LARP4: variants seen among roughly 807,000 people sequenced by gnomAD.
LARP4 encodes La ribonucleoprotein 4.
In LARP4, 29 loss-of-function variants were observed where a neutral mutation model predicts 92.9. The ratio of observed to expected loss-of-function variants is 0.31; its 90% CI spans 0.23 to 0.43. LARP4 has a LOEUF of 0.43. Ranked by LOEUF, LARP4 falls within the 20% of genes least tolerant of loss-of-function variation. The pLI is 1.00. For synonymous variants in LARP4, 279 were observed against 284.1 expected, an observed-to-expected ratio of 0.98 and a Z score of 0.18; for missense variants, 732 against 860.0, an observed-to-expected ratio of 0.85 and a Z score of 1.86.
intron 10 of LARP4, among the ~76,000 whole-genome samples, chr12:50,458,798 T>C (rs936877476): frequency 3.3e-5 from 5 of 152,192 alleles, no homozygotes; most frequent in African/African-American, 7.2e-5. Context: ...TTTTAGGAAG[T>C]TGGGTGCTTA....
chr12:50,428,814 G>A (rs1949205338), intron 2 of LARP4, 121 bp from the exon 3 acceptor site: 6 of 675,266 alleles, frequency 8.9e-6, no homozygotes, highest in East Asian at 5.8e-5. Flanking sequence ...AAAACCATGC[G>A]GACATATTTC....
chr12:50,446,187 T>C (rs1359091866), intron 8 of LARP4, among the ~76,000 whole-genome samples: 9 of 149,502 alleles, frequency 6.0e-5, no homozygotes, highest in African/African-American at 2.2e-4. Flanking sequence ...TTGTATTTTT[T>C]AGTAGAGACG....
intron 13 of LARP4, among the ~76,000 whole-genome samples, chr12:50,473,099 T>G (rs1173378739): frequency 1.3e-5 from 2 of 152,178 alleles, no homozygotes; most frequent in Non-Finnish European, 2.9e-5. Context: ...GGATTACAGG[T>G]GTGAGCCACT....
rs1395914563 is a variant in LARP4 at position 50,435,521 on chromosome 12, T to G, written c.432T>G (p.Ser144=). 1 of 1,575,784 alleles carries G rather than the reference T, an allele frequency of 6.3e-7. No individual in the cohort carries two copies. Among genetic ancestry groups the G allele is most frequent in the Non-Finnish European group, 8.7e-7 (1 of 1,148,830 alleles). Residue 144 remains serine (S), a synonymous_variant, in exon 5 of 16, where the codon TCT becomes TCG. Transcript: ENST00000398473. The stretch of plus-strand genomic sequence containing the variant: ...TGTCAAAGGATCTTTACTTGATATC[T>G]CAAATGGATAGTGATCAGTTCATCC... ...ENLSKDLYLI[S]QMDSDQFIPI...
chr12:50,452,771 T>G (rs910177034), intron 8 of LARP4, among the ~76,000 whole-genome samples: 2 of 152,222 alleles, frequency 1.3e-5, no homozygotes, highest in Admixed American at 1.3e-4. Flanking sequence ...CTTTTTTTGT[T>G]CTGTGAACGC....
intron 8 of LARP4, among the ~76,000 whole-genome samples, chr12:50,443,605 T>C (rs996801767): frequency 6.6e-6 from 1 of 151,930 alleles, no homozygotes; most frequent in African/African-American, 2.4e-5. Context: ...AATTTAATTT[T>C]ATTTTCTTAA....
chr12:50,463,230 A>C (rs1431242387), intron 12 of LARP4, among the ~76,000 whole-genome samples: 1 of 150,922 alleles, frequency 6.6e-6, no homozygotes, highest in African/African-American at 2.4e-5. Flanking sequence ...ACTTGAGGCT[A>C]CAGGCCCCAT....
At chr12:50,459,913 C>T (rs995644053) in intron 10 of LARP4, among the ~76,000 whole-genome samples, 3 of 149,748 alleles carry the variant, frequency 2.0e-5, no homozygotes, top group African/African-American at 5.0e-5. Flanking sequence ...CCAAGGTGGG[C>T]GGTTCACGAG....
chr12:50,443,344 C>T (rs916837587), intron 8 of LARP4, among the ~76,000 whole-genome samples: 4 of 152,122 alleles, frequency 2.6e-5, no homozygotes, highest in Non-Finnish European at 2.9e-5. Context: ...GATCACGGCT[C>T]ACTGCTGCCT....
intron 11 of LARP4, 112 bp from the exon 12 acceptor site, chr12:50,462,470 C>A: frequency 3.4e-6 from 2 of 595,380 alleles, no homozygotes; most frequent in Admixed American, 4.0e-5. Flanking sequence ...GAGCGAGACT[C>A]CATCTCAAAA....
At chr12:50,421,245 A>G in intron 1 of LARP4, 1 of 966,988 alleles carries the variant, frequency 1.0e-6, no homozygotes. Context: ...CACCGTACCC[A>G]GCCGGCTTTT....
In LARP4 at chr12:50,473,519, T is replaced by A. The variant is rs1957163454; in HGVS notation, c.1650T>A (p.Ala550=). 6.2e-7 allele frequency: 1 copy of A among 1,613,424 alleles called. No individual in the cohort carries two copies. The highest frequency in any genetic ancestry group is 1.3e-5 in the African/African-American group (1 of 74,884). ...TGAGTACCAGTTCTCCATGTGCTGC[T>A]GAGCTTACTGCATTAAGGTACAAGT... ...LNMSTSSPCA[A]ELTALSTTQQ... Residue 550 remains alanine, a synonymous_variant, in exon 14 of 16, where the codon GCT becomes GCA. Coordinates refer to ENST00000398473, the MANE Select transcript of LARP4 (RefSeq NM_052879.5).
chr12:50,447,041 A>G (rs60420087), intron 8 of LARP4, among the ~76,000 whole-genome samples: 16,644 of 152,170 alleles, frequency 0.11, 1,811 homozygotes, highest in East Asian at 0.47. Flanking sequence ...TGATATTCCC[A>G]GCAACTTGGT....
At position 50,461,183 on chromosome 12, in the gene LARP4, G is replaced by T; in HGVS notation, c.1170G>T (p.Glu390Asp). Residue 390 changes from glutamate to aspartate, a missense_variant, in exon 11 of 16, where the codon GAG becomes GAT. Transcript: ENST00000398473. ...CTGGTGGTTCAGAACACTCAACAGA[G>T]GGCTCTGTATCCTTGGGGGATGGAC... Reference protein sequence around the residue: ...RSSGGSEHSTEGSVSLGDGQL... With the variant: ...RSSGGSEHSTDGSVSLGDGQL... The T allele has an allele frequency of 6.2e-7, 1 of 1,614,102 alleles. No homozygotes were observed.
intron 7 of LARP4, 50 bp downstream of exon 7, chr12:50,440,599 G>A: frequency 1.7e-6 from 2 of 1,206,804 alleles, no homozygotes; most frequent in East Asian, 2.4e-5. Flanking sequence ...GGCAAAATAA[G>A]TAGTGGTATA....
intron 8 of LARP4, among the ~76,000 whole-genome samples, chr12:50,444,654 A>G (rs974373084): frequency 2.0e-5 from 3 of 152,122 alleles, no homozygotes; most frequent in Non-Finnish European, 2.9e-5. Flanking sequence ...CATGCTCTTC[A>G]TTTCTAAAGT....
intron 8 of LARP4, among the ~76,000 whole-genome samples, chr12:50,451,733 A>G (rs1953227788): frequency 6.6e-6 from 1 of 152,148 alleles, no homozygotes; most frequent in Non-Finnish European, 1.5e-5. Context: ...GCTACTCTGG[A>G]GGCTGAGGCA....
rs1201231351 is a variant in LARP4 at position 50,479,859 on chromosome 12, C to T, written c.*3995C>T. ...CTTAGATTTGTTCCTGTTGTCAAAA[C>T]TGTTACCCCCAAAATTGGTGTGACA... is the stretch of plus-strand genomic sequence containing the variant. On this transcript the variant is annotated 3_prime_UTR_variant, in exon 16 of 16. Transcript: ENST00000398473. 6.6e-6 allele frequency: 1 copy of T among 152,440 alleles called. No individual in the cohort carries two copies. Among genetic ancestry groups the T allele is most frequent in the Non-Finnish European group, 1.5e-5 (1 of 68,032 alleles). The allele number at this position is 152,440 out of a possible 1,614,324, so 9.4% of individuals were successfully genotyped here.
At position 50,438,283 on chromosome 12, in the gene LARP4, G is replaced by C. The variant is rs186935035; in HGVS notation, c.639+445G>C. ...GGAGGCTGAGGCAGGCGGATCGTGA[G>C]GTCAGGAGATGGAGACCATCCTGGC... On this transcript the variant is annotated intron_variant, in intron 6 of 15. Coordinates refer to ENST00000398473, the MANE Select transcript of LARP4 (RefSeq NM_052879.5). Among the ~76,000 whole-genome samples the C allele has an allele frequency of 9.2e-3, 1,395 of 152,224 alleles. 17 individuals carry two copies. The highest frequency in any genetic ancestry group is 0.031 in the African/African-American group (1,301 of 41,524).
Sources: allele counts gnomAD v4.1 joint callset (sites outside exome capture counted in the v4.1 genomes callset), GRCh38; gene constraint gnomAD v4.1.1; transcripts MANE v1.5; gene names NCBI Gene and HGNC (gene_info 2026-07-23, HGNC 2026-07-21).